The following CCKBR variants were observed in gnomAD, a reference collection of about 807,000 sequenced individuals.
The protein encoded by CCKBR is cholecystokinin B receptor, also known as gastrin/cholecystokinin type B receptor.
CCKBR carries 33 observed loss-of-function variants against 34.6 expected under a neutral mutation model. The ratio of observed to expected loss-of-function variants is 0.95; its 90% CI spans 0.72 to 1.27. The LOEUF (loss-of-function observed/expected upper bound fraction) is 1.27. Ranked by LOEUF, CCKBR falls within the 50% of genes most tolerant of loss-of-function variation. The pLI, the probability that CCKBR is intolerant of heterozygous loss-of-function variation, is 0.00. For missense variants in CCKBR, 652 were observed against 617.4 expected (o/e 1.06, Z -0.59); for synonymous variants, 269 against 267.5 (o/e 1.01, Z -0.06).
intron 1 of CCKBR, chr11:6,264,536 T>C (rs780937957): frequency 2.9e-6 from 2 of 700,340 alleles, no homozygotes; most frequent in Non-Finnish European, 5.2e-6. Flanking sequence ...ATCTTCTGAG[T>C]CGCCTGGTCT....
intron 1 of CCKBR, among the ~76,000 whole-genome samples, chr11:6,262,375 A>G (rs1383376506): frequency 6.6e-6 from 1 of 152,190 alleles, no homozygotes; most frequent in Non-Finnish European, 1.5e-5. Flanking sequence ...CAGAGAAAGG[A>G]GAATTTATGA....
intron 1 of CCKBR, among the ~76,000 whole-genome samples, chr11:6,266,637 G>T (rs1348889120): frequency 1.3e-5 from 2 of 152,204 alleles, no homozygotes; most frequent in Non-Finnish European, 2.9e-5. Flanking sequence ...CTTATCAGGT[G>T]TGTGGTCTTG....
Position 6,270,744 on chromosome 11 carries a change from T to TTGACGGCGACAG in CCKBR, c.757_768dup (p.Gly253_Asp256dup), listed in dbSNP as rs1357221285. On this transcript the variant is annotated inframe_insertion, in exon 4 of 5. Transcript: ENST00000334619. ...CGCGAGCTCTACTTAGGGCTTCGCT[T>TTGACGGCGACAG]TGACGGCGACAGTGACAGCGACAGC... 6.2e-7 allele frequency: 1 copy of TTGACGGCGACAG among 1,614,188 alleles called. No individual in the cohort carries two copies. Among genetic ancestry groups the TTGACGGCGACAG allele is most frequent in the Non-Finnish European group, 8.5e-7 (1 of 1,180,036 alleles).
intron 3 of CCKBR, 107 bp from the exon 4 acceptor site, chr11:6,270,539 A>G: frequency 2.1e-6 from 3 of 1,417,136 alleles, no homozygotes; most frequent in Non-Finnish European, 2.9e-6. Flanking sequence ...TCCTACTCCT[A>G]CTTCAGGTAC....
In CCKBR at chr11:6,269,776, A is replaced by G; in HGVS notation, c.259A>G (p.Thr87Ala). ...VVLGLSRRLR[T>A]VTNAFLLSLA... is the part of the protein sequence containing the mutation. The stretch of plus-strand genomic sequence containing the variant: ...CCTGGGACTGAGCCGCCGCCTGAGG[A>G]CTGTCACCAATGCCTTCCTCCTCTC... The change falls in exon 2 of 5, where the codon ACT becomes GCT. Residue 87 changes from threonine to alanine, a missense_variant. By Grantham distance (58) the Thr-to-Ala change is moderately conservative. Coordinates refer to ENST00000334619, the MANE Select transcript of CCKBR (RefSeq NM_176875.4). The G allele has an allele frequency of 6.2e-7, 1 of 1,614,124 alleles. No individual in the cohort carries two copies. The highest frequency in any genetic ancestry group is 8.5e-7 in the Non-Finnish European group (1 of 1,180,014).
rs1276160115 is a variant in CCKBR at position 6,271,070 on chromosome 11, G to C, written c.871G>C (p.Asp291His). 6.2e-7 allele frequency: 1 copy of C among 1,614,160 alleles called. No individual in the cohort carries two copies. Among genetic ancestry groups the C allele is most frequent in the South Asian group, 1.1e-5 (1 of 91,084 alleles). ...GACTGGCGCGGTTGGCGAAGACAGC[G>C]ATGGCTGCTACGTGCAACTTCCACG... ...PETGAVGEDS[D>H]GCYVQLPRSR... The change falls in exon 5 of 5, where the codon GAT becomes CAT. Residue 291 changes from aspartate to histidine, a missense_variant. Transcript: ENST00000334619.
In CCKBR at chr11:6,259,872, G is replaced by A; in HGVS notation, c.-57G>A. ...CGGAATCGCAGCGTGAGCAGGTGGA[G>A]CCGCGTTGGGAGCCCGCCGGGTCGA... On this transcript the variant is annotated 5_prime_UTR_variant, in exon 1 of 5. Coordinates refer to ENST00000334619, the MANE Select transcript of CCKBR (RefSeq NM_176875.4). 7.4e-7 allele frequency: 1 copy of A among 1,355,374 alleles called. No homozygotes were observed. The highest frequency in any genetic ancestry group is 9.6e-7 in the Non-Finnish European group (1 of 1,046,928). 84.0% of individuals were successfully genotyped at this position (1,355,374 alleles called of 1,614,324 possible).
At chr11:6,263,768 G>T (rs1400452458) in intron 1 of CCKBR, among the ~76,000 whole-genome samples, 2 of 152,116 alleles carry the variant, frequency 1.3e-5, no homozygotes, top group African/African-American at 4.8e-5. Context: ...CACCATGTCT[G>T]GCCCAGATTA....
At chr11:6,260,205 C>A in intron 1 of CCKBR, 126 bp downstream of exon 1, 1 of 636,200 alleles carries the variant, frequency 1.6e-6, no homozygotes, top group Non-Finnish European at 2.6e-6. Flanking sequence ...CATAGTACTC[C>A]CTCAGCCCCC....
rs369943403 is a variant in CCKBR at position 6,271,436 on chromosome 11, C to T, written c.1237C>T (p.Pro413Ser). The T allele has an allele frequency of 2.5e-6, 4 of 1,613,528 alleles. No individual in the cohort carries two copies. The Admixed American group carries it at 5.0e-5, about 20-fold the overall frequency. Reference sequence around the variant, plus strand: ...TTGCGCTCGCTGCTGCCCCCGGCCTCCACGAGCTCGCCCCAGGGCTCTTCC... The same window carrying T: ...TTGCGCTCGCTGCTGCCCCCGGCCTTCACGAGCTCGCCCCAGGGCTCTTCC... ...ETCARCCPRP[P>S]RARPRALPDE... is the part of the protein sequence containing the mutation. Residue 413 changes from proline (P) to serine (S), a missense_variant, in exon 5 of 5, where the codon CCA becomes TCA. By Grantham distance (74) the Pro-to-Ser change is moderately conservative (BLOSUM62 -1). Transcript: ENST00000334619.
intron 1 of CCKBR, among the ~76,000 whole-genome samples, chr11:6,266,476 C>T (rs11040830): frequency 0.18 from 26,877 of 151,916 alleles, 2,480 homozygotes; most frequent in Middle Eastern, 0.32. Flanking sequence ...GCAACAAGAG[C>T]AAAACTCCAT....
chr11:6,264,877 C>A (rs1323999432), intron 1 of CCKBR, among the ~76,000 whole-genome samples: 2 of 152,148 alleles, frequency 1.3e-5, no homozygotes, highest in Non-Finnish European at 2.9e-5. Flanking sequence ...ACAGAATTTA[C>A]CCTATTATTA....
At position 6,270,329 on chromosome 11, in the gene CCKBR, C is replaced by T; in HGVS notation, c.645C>T (p.Arg215=). 6.2e-7 allele frequency: 1 copy of T among 1,611,448 alleles called. No homozygotes were observed. The highest frequency in any genetic ancestry group is 8.5e-7 in the Non-Finnish European group (1 of 1,178,836). ...CVHRWPSARV[R]QTWSVLLLLL... ...ATCGCTGGCCCAGTGCGCGGGTCCG[C>T]CAGACCTGGTGAGCTTGCCCATAAA... The change falls in exon 3 of 5, where the codon CGC becomes CGT. Residue 215 remains arginine (R), a synonymous_variant. Coordinates refer to ENST00000334619, the MANE Select transcript of CCKBR (RefSeq NM_176875.4).
In CCKBR at chr11:6,271,414, C is replaced by G. The variant is rs201366169; in HGVS notation, c.1215C>G (p.Cys405Trp). The G allele has an allele frequency of 2.5e-6, 4 of 1,613,868 alleles. No individual in the cohort carries two copies. The highest frequency in any genetic ancestry group is 2.2e-5 in the South Asian group (2 of 91,084). ...RRFRQACLET[C>W]ARCCPRPPRA... is the part of the protein sequence containing the mutation. Reference sequence around the variant, plus strand: ...TTCGCCAGGCCTGCCTGGAAACTTGCGCTCGCTGCTGCCCCCGGCCTCCAC... The same window carrying G: ...TTCGCCAGGCCTGCCTGGAAACTTGGGCTCGCTGCTGCCCCCGGCCTCCAC... Residue 405 changes from cysteine to tryptophan, a missense_variant, in exon 5 of 5, where the codon TGC (cysteine) becomes TGG (tryptophan). Physicochemically the swap from Cys to Trp is radical, Grantham distance 215 (BLOSUM62 -2). Transcript: ENST00000334619.
chr11:6,263,083 T>C (rs888893278), intron 1 of CCKBR, among the ~76,000 whole-genome samples: 1 of 152,230 alleles, frequency 6.6e-6, no homozygotes, highest in Non-Finnish European at 1.5e-5. Context: ...TCCCTGCAGA[T>C]GCATAGGTTA....
chr11:6,262,720 G>GAA (rs755472836), intron 1 of CCKBR, among the ~76,000 whole-genome samples: 359 of 112,630 alleles, frequency 3.2e-3, no homozygotes, highest in Non-Finnish European at 6.0e-3. Context: ...GAGAGAGAGA[G>GAA]AGAGAAAGAA....
intron 1 of CCKBR, 107 bp downstream of exon 1, chr11:6,260,186 C>T (rs1848109394): frequency 2.6e-6 from 2 of 771,954 alleles, no homozygotes; most frequent in East Asian, 3.3e-5. Context: ...ACGTCCACAC[C>T]GTGCCTCTCA....
chr11:6,261,812 G>A (rs1848138211), intron 1 of CCKBR, among the ~76,000 whole-genome samples: 1 of 152,184 alleles, frequency 6.6e-6, no homozygotes, highest in Non-Finnish European at 1.5e-5. Context: ...GAACGGATTG[G>A]AAGACATAAG....
intron 1 of CCKBR, among the ~76,000 whole-genome samples, chr11:6,267,181 C>T (rs4486604): frequency 0.45 from 68,373 of 152,032 alleles, 17,475 homozygotes; most frequent in East Asian, 0.74. Flanking sequence ...TTAGGCTACA[C>T]TAAATGTATT....
Sources: allele counts gnomAD v4.1 joint callset (sites outside exome capture counted in the v4.1 genomes callset), GRCh38; gene constraint gnomAD v4.1.1; transcripts MANE v1.5; gene names NCBI Gene and HGNC (gene_info 2026-07-23, HGNC 2026-07-21).